The following DLC1 variants were observed in gnomAD, a reference collection of about 807,000 sequenced individuals.
DLC1 encodes rho GTPase-activating protein 7.
A neutral mutation model predicts 140.3 loss-of-function variants in DLC1; 54 were observed. The ratio of observed to expected loss-of-function variants is 0.38; its 90% CI spans 0.31 to 0.48. The LOEUF (loss-of-function observed/expected upper bound fraction) is 0.48. Ranked by LOEUF, DLC1 falls within the 20% of genes least tolerant of loss-of-function variation. The pLI is 0.96. For synonymous variants in DLC1, 986 were observed against 728.1 expected (o/e 1.35, Z -5.70); for missense variants, 2,536 against 1,907.0 (o/e 1.33, Z -6.14).
At chr8:13,320,143 C>T (rs1833033763) in intron 4 of DLC1, among the ~76,000 whole-genome samples, 1 of 152,120 alleles carries the variant, frequency 6.6e-6, no homozygotes. Flanking sequence ...ATTATTAGGG[C>T]TGACAAAAGG....
intron 5 of DLC1, among the ~76,000 whole-genome samples, chr8:13,182,122 G>T (rs866992385): frequency 2.1e-4 from 32 of 152,252 alleles, no homozygotes; most frequent in African/African-American, 7.2e-4. Flanking sequence ...TCTGTTGGCT[G>T]CATAGATGTC....
chr8:13,454,691 A>C (rs904793193), intron 2 of DLC1, among the ~76,000 whole-genome samples: 1 of 152,142 alleles, frequency 6.6e-6, no homozygotes, highest in Non-Finnish European at 1.5e-5. Context: ...AGTAGCTGGA[A>C]CTATAGGTAT....
At chr8:13,577,870 T>C (rs1804899784) in intron 1 of DLC1, among the ~76,000 whole-genome samples, 1 of 152,250 alleles carries the variant, frequency 6.6e-6, no homozygotes, top group Non-Finnish European at 1.5e-5. Context: ...GCTTCACCCA[T>C]GACAATTGTT....
intron 5 of DLC1, among the ~76,000 whole-genome samples, chr8:13,187,351 T>C (rs933555115): frequency 1.3e-5 from 2 of 152,188 alleles, no homozygotes; most frequent in Admixed American, 1.3e-4. Context: ...TAGATATTTG[T>C]TGAATGAAGG....
At chr8:13,109,025 T>C (rs508097) in intron 7 of DLC1, among the ~76,000 whole-genome samples, 20,493 of 152,156 alleles carry the variant, frequency 0.13, 4,012 homozygotes, top group African/African-American at 0.43. Context: ...TGACAGCGTT[T>C]CTGTGGTTAA....
intron 5 of DLC1, among the ~76,000 whole-genome samples, chr8:13,156,127 A>G (rs912646368): frequency 3.3e-5 from 5 of 152,154 alleles, no homozygotes; most frequent in African/African-American, 9.7e-5. Flanking sequence ...ACAGTATTCA[A>G]GATTAATAAT....
intron 5 of DLC1, among the ~76,000 whole-genome samples, chr8:13,211,912 G>T (rs1827966035): frequency 6.6e-6 from 1 of 152,128 alleles, no homozygotes; most frequent in Non-Finnish European, 1.5e-5. Context: ...ATGTCAGCAT[G>T]CTAGAATGAA....
intron 1 of DLC1, among the ~76,000 whole-genome samples, chr8:13,566,360 C>T (rs1388884652): frequency 7.2e-6 from 1 of 138,926 alleles, no homozygotes. Context: ...GCCCCTGCTC[C>T]CCACCCCCGA....
At chr8:13,239,877 G>C (rs530406008) in intron 5 of DLC1, among the ~76,000 whole-genome samples, 1 of 152,168 alleles carries the variant, frequency 6.6e-6, no homozygotes, top group Non-Finnish European at 1.5e-5. Context: ...AGTCCATCAG[G>C]AGGGAAAGCA....
intron 1 of DLC1, among the ~76,000 whole-genome samples, chr8:13,568,648 A>G (rs1804540552): frequency 6.6e-6 from 1 of 152,204 alleles, no homozygotes; most frequent in African/African-American, 2.4e-5. Context: ...ATGGCTAAGT[A>G]GAGAAAAATA....
chr8:13,391,068 G>A (rs150716050), intron 4 of DLC1, among the ~76,000 whole-genome samples: 71 of 151,950 alleles, frequency 4.7e-4, no homozygotes, highest in African/African-American at 1.4e-3. Flanking sequence ...AAGAAATTTC[G>A]TAAAAGTCGA....
chr8:13,470,284 A>C (rs1348831381), intron 2 of DLC1, among the ~76,000 whole-genome samples: 1 of 152,200 alleles, frequency 6.6e-6, no homozygotes, highest in African/African-American at 2.4e-5. Flanking sequence ...GCTAACTATA[A>C]CAGATTGGGA....
chr8:13,588,992 T>G (rs1805425529), intron 1 of DLC1, among the ~76,000 whole-genome samples: 1 of 152,096 alleles, frequency 6.6e-6, no homozygotes. Flanking sequence ...ATAAGAGAGA[T>G]ATTTTTCACA....
At chr8:13,299,558 G>T (rs540920747) in intron 5 of DLC1, among the ~76,000 whole-genome samples, 2 of 145,060 alleles carry the variant, frequency 1.4e-5, no homozygotes, top group South Asian at 4.3e-4. Context: ...GGTGCCAGTT[G>T]CATGCCACAG....
chr8:13,220,209 A>G (rs1410243067), intron 5 of DLC1, among the ~76,000 whole-genome samples: 1 of 152,196 alleles, frequency 6.6e-6, no homozygotes, highest in African/African-American at 2.4e-5. Flanking sequence ...CCACAATAAC[A>G]TTGAGTCATT....
Position 13,100,484 on chromosome 8 carries a change from G to A in DLC1, c.1853C>T (p.Thr618Ile). The stretch of plus-strand genomic sequence containing the variant: ...GGAGCAAACGCTGATGACGGAGTTA[G>A]TCCGGGGGGTGGCAGCATCCTCGCT... ...PPSEDAATPRTNSVISVCSSS... is the reference protein window; with the variant it reads ...PPSEDAATPRINSVISVCSSS... The change falls in exon 9 of 18, where the codon ACT becomes ATT. Residue 618 changes from threonine (T) to isoleucine (I), a missense_variant. By Grantham distance (89) the Thr-to-Ile change is moderately conservative. Coordinates refer to ENST00000276297, the MANE Select transcript of DLC1 (RefSeq NM_182643.3). The A allele has an allele frequency of 6.2e-7, 1 of 1,613,018 alleles. No individual in the cohort carries two copies. The highest frequency in any genetic ancestry group is 1.1e-5 in the South Asian group (1 of 91,084).
intron 5 of DLC1, chr8:13,133,502 A>G (rs1400305451): frequency 2.1e-5 from 1 of 48,226 alleles, no homozygotes; most frequent in Admixed American, 4.9e-4. Context: ...CGCCCCGCCC[A>G]GGCCCCGCCT....
chr8:13,457,082 TG>T (rs1799424085), intron 2 of DLC1, among the ~76,000 whole-genome samples: 1 of 152,208 alleles, frequency 6.6e-6, no homozygotes, highest in South Asian at 2.1e-4. Flanking sequence ...TCTATTTCCC[TG>T]GGTCGGCCTT....
At chr8:13,487,145 T>A (rs375339791) in intron 2 of DLC1, among the ~76,000 whole-genome samples, 1 of 152,194 alleles carries the variant, frequency 6.6e-6, no homozygotes, top group Non-Finnish European at 1.5e-5. Context: ...GCTTGGTTCT[T>A]TTGTGCTTGT....
Sources: allele counts gnomAD v4.1 joint callset (sites outside exome capture counted in the v4.1 genomes callset), GRCh38; gene constraint gnomAD v4.1.1; transcripts MANE v1.5; gene names NCBI Gene and HGNC (gene_info 2026-07-23, HGNC 2026-07-21).